RAD54B: variants seen among roughly 807,000 people sequenced by gnomAD.
The protein encoded by RAD54B is DNA repair and recombination protein RAD54B.
RAD54B carries 78 observed loss-of-function variants against 95.8 expected under a neutral mutation model. That is an observed-to-expected ratio of 0.81 (90% CI 0.68 to 0.98). The LOEUF is 0.98. Among genes scored for constraint, RAD54B ranks in the 50% least tolerant of loss-of-function variants. The pLI, the probability that RAD54B is intolerant of heterozygous loss-of-function variation, is 0.00. For missense variants in RAD54B, 957 were observed against 1,056.6 expected (o/e 0.91, Z 1.31); for synonymous variants, 328 against 354.9 (o/e 0.92, Z 0.85).
chr8:94,451,020 GATAA>G (rs1812643924), intron 3 of RAD54B, among the ~76,000 whole-genome samples: 1 of 152,102 alleles, frequency 6.6e-6, no homozygotes, highest in South Asian at 2.1e-4. Flanking sequence ...AATATTTATA[GATAA>G]ATATAGATGT....
rs563481862 is a variant in RAD54B, at chr8:94,394,514, A to T, written c.1379-632T>A. Among the ~76,000 whole-genome samples, 125 of 152,278 alleles carry T rather than the reference A, an allele frequency of 8.2e-4. No homozygotes were observed. The Middle Eastern group carries it at 0.02, about 25-fold the overall frequency. ...GTACCCAGCAAAATGCCTGACACTC[A>T]GTAGACACTCATTGAATGGCACCTA... On this transcript the variant is annotated intron_variant, in intron 8 of 14. Transcript: ENST00000336148.
chr8:94,461,598 TTTC>T (rs1020311953), intron 2 of RAD54B, among the ~76,000 whole-genome samples: 1 of 152,208 alleles, frequency 6.6e-6, no homozygotes, highest in Non-Finnish European at 1.5e-5. Context: ...GGTCACAAAT[TTTC>T]TTTTTTGCAA....
intron 1 of RAD54B, among the ~76,000 whole-genome samples, chr8:94,470,781 A>T (rs1320981813): frequency 6.7e-6 from 1 of 149,708 alleles, no homozygotes; most frequent in Admixed American, 6.7e-5. Context: ...AAAAAAAAAA[A>T]GAATAATGAT....
In RAD54B at chr8:94,392,398, A is replaced by AT. The variant is rs1381978977; in HGVS notation, c.1519-500dup. Among the ~76,000 whole-genome samples the AT allele has an allele frequency of 2.0e-5, 3 of 151,890 alleles. No individual in the cohort carries two copies. The East Asian group carries it at 5.8e-4, about 29-fold the overall frequency. ...TGCCTCAGCCTCCTGAGTAGCTGGG[A>AT]TTACAGGCACACACCACTATATCTG... On this transcript the variant is annotated intron_variant, in intron 9 of 14. Coordinates refer to ENST00000336148, the MANE Select transcript of RAD54B (RefSeq NM_012415.3).
intron 10 of RAD54B, 152 bp from the exon 11 acceptor site, chr8:94,387,311 T>A: frequency 1.6e-6 from 1 of 607,310 alleles, no homozygotes; most frequent in South Asian, 2.8e-5. Flanking sequence ...GGTCATGATT[T>A]GATCATTTTT....
Position 94,372,008 on chromosome 8 carries a change from T to A in RAD54B, c.*162A>T. 8.2e-7 allele frequency: 1 copy of A among 1,215,856 alleles called. No individual in the cohort carries two copies. Among genetic ancestry groups the A allele is most frequent in the Non-Finnish European group, 1.1e-6 (1 of 926,922 alleles). The allele number at this position is 1,215,856 out of a possible 1,614,324, so 75.3% of individuals were successfully genotyped here. On this transcript the variant is annotated 3_prime_UTR_variant, in exon 15 of 15. Transcript: ENST00000336148. The stretch of plus-strand genomic sequence containing the variant: ...ATTTTTCATTTAAACACTTAATATT[T>A]ACAAAACATTAAACCACTCAATTTT...
intron 3 of RAD54B, among the ~76,000 whole-genome samples, chr8:94,425,343 C>G (rs1265723156): frequency 6.6e-6 from 1 of 151,410 alleles, no homozygotes; most frequent in East Asian, 1.9e-4. Flanking sequence ...GCATGAGCCA[C>G]CGCACCCAGC....
chr8:94,430,710 A>G, intron 3 of RAD54B: 1 of 927,838 alleles, frequency 1.1e-6, no homozygotes, highest in Non-Finnish European at 1.3e-6. Context: ...ATAATGTTTT[A>G]AAAGCATTTT....
At position 94,411,189 on chromosome 8, in the gene RAD54B, T is replaced by C; in HGVS notation, c.431A>G (p.Asp144Gly). The C allele has an allele frequency of 6.2e-7, 1 of 1,611,552 alleles. No individual in the cohort carries two copies. Among genetic ancestry groups the C allele is most frequent in the Non-Finnish European group, 8.5e-7 (1 of 1,179,070 alleles). Residue 144 changes from aspartate to glycine, a missense_variant, in exon 4 of 15, where the codon GAT becomes GGT. By Grantham distance (94) the Asp-to-Gly change is moderately conservative. Coordinates refer to ENST00000336148, the MANE Select transcript of RAD54B (RefSeq NM_012415.3). ...SKKKHKKWEGDAVLIVKGKSF... is the reference protein window; with the variant it reads ...SKKKHKKWEGGAVLIVKGKSF... ...CTTTCCTTTTACAATAAGAACAGCA[T>C]CACCTTCCCACTTTTTATGTTTTTT...
chr8:94,404,649 C>T (rs776151766), intron 5 of RAD54B, among the ~76,000 whole-genome samples: 2 of 152,094 alleles, frequency 1.3e-5, no homozygotes, highest in Non-Finnish European at 2.9e-5. Flanking sequence ...TCTGAAAAGT[C>T]TCCCCAAATT....
chr8:94,444,298 C>T (rs1812467485), intron 3 of RAD54B, among the ~76,000 whole-genome samples: 1 of 151,596 alleles, frequency 6.6e-6, no homozygotes, highest in Non-Finnish European at 1.5e-5. Flanking sequence ...ATTTGGCAGA[C>T]CATATTAAAG....
At chr8:94,422,639 T>C (rs1307746475) in intron 3 of RAD54B, among the ~76,000 whole-genome samples, 1 of 105,706 alleles carries the variant, frequency 9.5e-6, no homozygotes, top group Non-Finnish European at 1.9e-5. Flanking sequence ...TATATATATA[T>C]ATATATATAT....
intron 3 of RAD54B, among the ~76,000 whole-genome samples, chr8:94,438,474 CCAA>C (rs975506781): frequency 1.3e-5 from 2 of 152,082 alleles, no homozygotes; most frequent in African/African-American, 4.8e-5. Flanking sequence ...TCGACCTGCC[CCAA>C]CAACAACTGG....
At position 94,433,608 on chromosome 8, in the gene RAD54B, T is replaced by C. The variant is rs535089069; in HGVS notation, c.305-22293A>G. On this transcript the variant is annotated intron_variant, in intron 3 of 14. Coordinates refer to ENST00000336148, the MANE Select transcript of RAD54B (RefSeq NM_012415.3). The stretch of plus-strand genomic sequence containing the variant: ...AGCTTCAGCATAACAAGTTATGATA[T>C]TATAAATGCAATAAACCTTAAAATT... Among the ~76,000 whole-genome samples the C allele has an allele frequency of 3.3e-5, 5 of 152,138 alleles. No individual in the cohort carries two copies. In the East Asian group the frequency reaches 7.7e-4, roughly 23 times the overall value.
intron 2 of RAD54B, among the ~76,000 whole-genome samples, chr8:94,461,360 C>T (rs1229606577): frequency 3.0e-4 from 45 of 150,510 alleles, no homozygotes; most frequent in Non-Finnish European, 2.5e-4. Context: ...TTAGTAGAGA[C>T]GGGGTTTCTC....
intron 3 of RAD54B, chr8:94,427,947 A>G (rs1218277043): frequency 1.1e-6 from 1 of 913,626 alleles, no homozygotes; most frequent in Admixed American, 6.2e-5. Flanking sequence ...AAAAAATGAA[A>G]TAACACCAAG....
intron 6 of RAD54B, 82 bp downstream of exon 6, chr8:94,403,995 A>G: frequency 8.8e-7 from 1 of 1,133,262 alleles, no homozygotes. Context: ...TCATTATATT[A>G]GGATCTTCTT....
At chr8:94,416,665 A>G (rs1811679459) in intron 3 of RAD54B, among the ~76,000 whole-genome samples, 1 of 152,208 alleles carries the variant, frequency 6.6e-6, no homozygotes, top group Non-Finnish European at 1.5e-5. Context: ...CAGAAAATAC[A>G]TATTAAAAAC....
At chr8:94,440,938 C>CGCCAGG (rs1293886550) in intron 3 of RAD54B, among the ~76,000 whole-genome samples, 1 of 152,208 alleles carries the variant, frequency 6.6e-6, no homozygotes, top group Non-Finnish European at 1.5e-5. Flanking sequence ...GGCAGCCCGG[C>CGCCAGG]GCCAGGTCCA....
Sources: allele counts gnomAD v4.1 joint callset (sites outside exome capture counted in the v4.1 genomes callset), GRCh38; gene constraint gnomAD v4.1.1; transcripts MANE v1.5; gene names NCBI Gene and HGNC (gene_info 2026-07-23, HGNC 2026-07-21).